NLGN4X: variants seen among roughly 807,000 people sequenced by gnomAD.
NLGN4X encodes neuroligin 4 X-linked, also known as neuroligin-4, X-linked.
Under a neutral mutation model 40.3 loss-of-function variants are expected in NLGN4X, and 3 were observed. That is an observed-to-expected ratio of 0.07 (90% CI 0.03 to 0.19). The LOEUF is 0.19. Ranked by LOEUF, NLGN4X falls within the 10% of genes least tolerant of loss-of-function variation. NLGN4X has a pLI of 1.00. For synonymous variants in NLGN4X, 270 were observed against 306.8 expected (o/e 0.88, Z 1.25); for missense variants, 382 against 708.3 (o/e 0.54, Z 5.23).
chrX:5,991,259 T>C (rs752615390), intron 3 of NLGN4X, among the ~76,000 whole-genome samples: 2 of 110,831 alleles, frequency 1.8e-5, no homozygotes, highest in East Asian at 5.7e-4. Context: ...CTTTTTTTTT[T>C]TCCCCCAAAG....
chrX:6,106,810 G>C (rs1306298257), intron 2 of NLGN4X, among the ~76,000 whole-genome samples: 1 of 111,508 alleles, frequency 9.0e-6, no homozygotes, highest in Non-Finnish European at 1.9e-5. Context: ...CACCCAGAGG[G>C]TCTCTTAATC....
chrX:6,146,523 T>A (rs765879103), intron 2 of NLGN4X, among the ~76,000 whole-genome samples: 1 of 111,432 alleles, frequency 9.0e-6, no homozygotes, highest in Non-Finnish European at 1.9e-5. Flanking sequence ...TATTTCATCA[T>A]AAAGCTCCAT....
intron 3 of NLGN4X, among the ~76,000 whole-genome samples, chrX:5,919,339 T>C (rs954243082): frequency 8.9e-6 from 1 of 111,825 alleles, no homozygotes; most frequent in Non-Finnish European, 1.9e-5. Flanking sequence ...AGGATATTTT[T>C]ATTACACTGA....
intron 2 of NLGN4X, among the ~76,000 whole-genome samples, chrX:6,113,362 A>T (rs941170168): frequency 1.3e-4 from 14 of 111,668 alleles, no homozygotes; most frequent in Non-Finnish European, 3.8e-5. Context: ...CTAAAATTAA[A>T]GTTTCTTTTA....
At chrX:5,900,265 G>C (rs1223480959) in intron 5 of NLGN4X, among the ~76,000 whole-genome samples, 1 of 112,022 alleles carries the variant, frequency 8.9e-6, no homozygotes, top group African/African-American at 3.2e-5. Context: ...ACTAGAGTAG[G>C]GTGAGCTTCT....
At chrX:6,108,028 G>A (rs970659272) in intron 2 of NLGN4X, among the ~76,000 whole-genome samples, 1 of 112,050 alleles carries the variant, frequency 8.9e-6, no homozygotes, top group African/African-American at 3.2e-5. Flanking sequence ...CCACAACACA[G>A]TGCTGGTTCC....
intron 2 of NLGN4X, among the ~76,000 whole-genome samples, chrX:6,040,686 C>T (rs7892404): frequency 1.2e-3 from 133 of 111,997 alleles, no homozygotes; most frequent in African/African-American, 4.1e-3. Flanking sequence ...TCTTTACTTA[C>T]ATGCCAAGTT....
intron 2 of NLGN4X, among the ~76,000 whole-genome samples, chrX:6,081,011 G>T (rs12836548): frequency 1.8e-5 from 2 of 109,065 alleles, no homozygotes; most frequent in Non-Finnish European, 1.9e-5. Flanking sequence ...TATAGAGGCT[G>T]AGCGCAGTGA....
intron 2 of NLGN4X, among the ~76,000 whole-genome samples, chrX:6,030,959 T>C (rs2036843223): frequency 8.9e-6 from 1 of 112,052 alleles, no homozygotes; most frequent in South Asian, 3.7e-4. Flanking sequence ...AGTAGAGATT[T>C]TGAAGGGCTG....
intron 2 of NLGN4X, among the ~76,000 whole-genome samples, chrX:6,125,998 T>TAA (rs2039535462): frequency 3.1e-5 from 1 of 32,318 alleles, no homozygotes; most frequent in Non-Finnish European, 6.6e-5. Context: ...AAATGTTTCT[T>TAA]TTAAGATTAA....
At chrX:6,105,884 C>T (rs1455574158) in intron 2 of NLGN4X, among the ~76,000 whole-genome samples, 1 of 111,733 alleles carries the variant, frequency 8.9e-6, no homozygotes, top group Non-Finnish European at 1.9e-5. Flanking sequence ...GAGGTCCAGA[C>T]TAACACATCT....
At chrX:5,962,545 C>G (rs2034696102) in intron 3 of NLGN4X, among the ~76,000 whole-genome samples, 1 of 112,349 alleles carries the variant, frequency 8.9e-6, no homozygotes, top group Admixed American at 9.4e-5. Context: ...AATGCACTTG[C>G]TATATTTTAA....
chrX:6,193,216 T>TC (rs747280259), intron 1 of NLGN4X, among the ~76,000 whole-genome samples: 1 of 110,242 alleles, frequency 9.1e-6, no homozygotes, highest in South Asian at 3.9e-4. Context: ...GGTCAGGAGA[T>TC]CGAGACCACG....
At chrX:5,987,519 T>C (rs2035562929) in intron 3 of NLGN4X, among the ~76,000 whole-genome samples, 1 of 112,592 alleles carries the variant, frequency 8.9e-6, no homozygotes, top group African/African-American at 3.2e-5. Flanking sequence ...CACAGAACTT[T>C]GGTTTCTGTG....
intron 2 of NLGN4X, among the ~76,000 whole-genome samples, chrX:6,035,892 T>C (rs768444537): frequency 2.7e-5 from 3 of 112,208 alleles, no homozygotes; most frequent in East Asian, 5.6e-4. Flanking sequence ...ACTTAGTTTA[T>C]TGTGAGAATA....
At chrX:5,996,420 A>G (rs781516049) in intron 3 of NLGN4X, among the ~76,000 whole-genome samples, 1 of 111,643 alleles carries the variant, frequency 9.0e-6, no homozygotes, top group African/African-American at 3.3e-5. Flanking sequence ...GGACTGCAAG[A>G]TAACAGAGGC....
At chrX:6,156,509 A>G (rs1207445465) in intron 1 of NLGN4X, among the ~76,000 whole-genome samples, 2 of 112,257 alleles carry the variant, frequency 1.8e-5, no homozygotes, top group African/African-American at 6.5e-5. Context: ...ACTCCGTCTC[A>G]AAAAAACAAA....
At chrX:5,926,067 G>A (rs2033305628) in intron 3 of NLGN4X, among the ~76,000 whole-genome samples, 1 of 104,046 alleles carries the variant, frequency 9.6e-6, no homozygotes, top group Admixed American at 1.1e-4. Flanking sequence ...ACCAGGTGGA[G>A]ATAATTGAAT....
chrX:6,016,174 C>T (rs946118166), intron 3 of NLGN4X, among the ~76,000 whole-genome samples: 2 of 112,143 alleles, frequency 1.8e-5, no homozygotes, highest in African/African-American at 3.2e-5. Flanking sequence ...AGGAAAAATG[C>T]ATTCTCATTC....
Sources: gnomAD v4.1 joint callset for allele counts (sites outside exome capture counted in the v4.1 genomes callset) on GRCh38, gnomAD v4.1.1 for gene constraint, MANE v1.5 for transcripts, NCBI Gene and HGNC (gene_info 2026-07-23, HGNC 2026-07-21) for gene names.